Variants in RBFOX3 observed in about 807,000 individuals in gnomAD.
RBFOX3 encodes the protein RNA binding fox-1 homolog 3.
A neutral mutation model predicts 48.7 loss-of-function variants in RBFOX3; 17 were observed. That is an observed-to-expected ratio of 0.35 (90% CI 0.24 to 0.52). RBFOX3 has a LOEUF of 0.52. RBFOX3 is among the 20% of genes least tolerant of loss of function. The pLI, the probability that RBFOX3 is intolerant of heterozygous loss-of-function variation, is 0.94. For missense variants in RBFOX3, 382 were observed against 497.5 expected (o/e 0.77, Z 2.21); for synonymous variants, 212 against 209.5 (o/e 1.01, Z -0.10).
At chr17:79,147,552 G>C (rs2043288509) in intron 4 of RBFOX3, among the ~76,000 whole-genome samples, 1 of 152,184 alleles carries the variant, frequency 6.6e-6, no homozygotes. Context: ...GATCTCATTG[G>C]GGAGGGGGGG....
intron 4 of RBFOX3, among the ~76,000 whole-genome samples, chr17:79,202,827 C>T (rs2056964781): frequency 6.6e-6 from 1 of 152,248 alleles, no homozygotes; most frequent in African/African-American, 2.4e-5. Context: ...CACTATCATG[C>T]CTGGTGGTGA....
intron 4 of RBFOX3, among the ~76,000 whole-genome samples, chr17:79,122,563 T>C (rs920536154): frequency 6.6e-6 from 1 of 152,202 alleles, no homozygotes; most frequent in African/African-American, 2.4e-5. Flanking sequence ...TAACAAATAC[T>C]GGCGAGGATG....
At chr17:79,656,424 GC>G in the RBFOX3 span, among the ~76,000 whole-genome samples, 1 of 152,132 alleles carries the variant, frequency 6.6e-6, no homozygotes, top group Non-Finnish European at 1.5e-5. Context: ...GACTAGCCTG[GC>G]CAACATGGTG....
At chr17:79,430,674 A>G (rs1489920931) in intron 2 of RBFOX3, among the ~76,000 whole-genome samples, 1 of 152,202 alleles carries the variant, frequency 6.6e-6, no homozygotes, top group Non-Finnish European at 1.5e-5. Context: ...CCTCCTGAGT[A>G]GCTGGGATTA....
intron 4 of RBFOX3, among the ~76,000 whole-genome samples, chr17:79,139,186 C>T (rs1294371472): frequency 1.3e-5 from 2 of 152,234 alleles, no homozygotes; most frequent in Non-Finnish European, 2.9e-5. Flanking sequence ...CATGTCCACA[C>T]ACATTCCAGT....
In RBFOX3 at chr17:79,104,373, G is replaced by A. The variant is rs561365427; in HGVS notation, c.361-247C>T. Among the ~76,000 whole-genome samples the A allele has an allele frequency of 1.5e-4, 23 of 152,148 alleles. No homozygotes were observed. The East Asian group carries it at 4.3e-3, about 28-fold the overall frequency. On this transcript the variant is annotated intron_variant, in intron 6 of 14. Coordinates refer to ENST00000693108, the MANE Select transcript of RBFOX3 (RefSeq NM_001350451.2). ...CATCACCAAGAGGGTCCTTGGTGTG[G>A]TGTGGGGACAGGGACAGCTCTCCCA...
chr17:79,336,638 C>T (rs1385704274), intron 2 of RBFOX3, among the ~76,000 whole-genome samples: 3 of 152,134 alleles, frequency 2.0e-5, no homozygotes, highest in Non-Finnish European at 2.9e-5. Flanking sequence ...TCAGTAAAGA[C>T]GGTGCTGTCC....
intron 2 of RBFOX3, among the ~76,000 whole-genome samples, chr17:79,419,758 G>C (rs1378765778): frequency 6.6e-6 from 1 of 152,200 alleles, no homozygotes; most frequent in African/African-American, 2.4e-5. Context: ...ATCAAAGGCA[G>C]GGCTGCTTGT....
Position 79,345,267 on chromosome 17 carries a change from G to A in RBFOX3, c.-174-37443C>T, listed in dbSNP as rs144795000. Among the ~76,000 whole-genome samples, 509 of 152,312 alleles carry A rather than the reference G, an allele frequency of 3.3e-3. 3 individuals carry two copies. Among genetic ancestry groups the A allele is most frequent in the African/African-American group, 0.012 (487 of 41,572 alleles). ...ATTTACGTGCATAGAGTTGCCTGTA[G>A]TATTCCCTTATTATCCTTCTAATGG... On this transcript the variant is annotated intron_variant, in intron 2 of 14. Coordinates refer to ENST00000693108, the MANE Select transcript of RBFOX3 (RefSeq NM_001350451.2).
intron 2 of RBFOX3, among the ~76,000 whole-genome samples, chr17:79,349,056 C>T (rs537488128): frequency 6.6e-6 from 1 of 152,240 alleles, no homozygotes; most frequent in African/African-American, 2.4e-5. Context: ...CCCACAAATT[C>T]AACTCACTGC....
intron 1 of RBFOX3, among the ~76,000 whole-genome samples, chr17:79,594,029 C>T (rs1388247732): frequency 2.0e-5 from 3 of 152,112 alleles, no homozygotes; most frequent in African/African-American, 7.2e-5. Flanking sequence ...ACAGAGGAAG[C>T]ACGCAATTGA....
chr17:79,395,774 C>T (rs1328815365), intron 2 of RBFOX3, among the ~76,000 whole-genome samples: 1 of 152,204 alleles, frequency 6.6e-6, no homozygotes, highest in East Asian at 1.9e-4. Flanking sequence ...CGTGACGTGA[C>T]CAGGAGCCCA....
In RBFOX3 at chr17:79,426,951, G is replaced by A. The variant is rs1055632772; in HGVS notation, c.-175+55503C>T. 5.5e-4 allele frequency among the ~76,000 whole-genome samples: 83 copies of A among 152,184 alleles called. 1 individual carries two copies. The highest frequency in any genetic ancestry group is 1.9e-3 in the African/African-American group (77 of 41,510). On this transcript the variant is annotated intron_variant, in intron 2 of 14. Coordinates refer to ENST00000693108, the MANE Select transcript of RBFOX3 (RefSeq NM_001350451.2). The stretch of plus-strand genomic sequence containing the variant: ...ACTCCTGACCTCAGGTGATCCACCC[G>A]CCTCGGCCTCCCAAATTGCTAGGAT...
intron 1 of RBFOX3, among the ~76,000 whole-genome samples, chr17:79,527,716 A>T (rs2086986340): frequency 6.6e-6 from 1 of 152,138 alleles, no homozygotes; most frequent in Non-Finnish European, 1.5e-5. Flanking sequence ...GTTTGAGGGG[A>T]TGCGGTACAG....
chr17:79,405,825 C>G (rs2063470229), intron 2 of RBFOX3, among the ~76,000 whole-genome samples: 1 of 152,220 alleles, frequency 6.6e-6, no homozygotes, highest in African/African-American at 2.4e-5. Context: ...CTCAGGAAGT[C>G]CCCTCATGCC....
chr17:79,440,094 A>G (rs187297785), intron 2 of RBFOX3, among the ~76,000 whole-genome samples: 2 of 152,270 alleles, frequency 1.3e-5, no homozygotes, highest in Non-Finnish European at 2.9e-5. Context: ...CAACGAGGAC[A>G]TGGGCCACCA....
intron 2 of RBFOX3, among the ~76,000 whole-genome samples, chr17:79,454,430 T>A (rs2074121011): frequency 6.6e-6 from 1 of 151,610 alleles, no homozygotes; most frequent in South Asian, 2.1e-4. Context: ...CCCCGCCACC[T>A]CTCTCATCCA....
chr17:79,138,538 A>G (rs544078300), intron 4 of RBFOX3, among the ~76,000 whole-genome samples: 1 of 152,204 alleles, frequency 6.6e-6, no homozygotes, highest in East Asian at 1.9e-4. Context: ...TACACTGTGC[A>G]TGCTCACTCC....
intron 2 of RBFOX3, among the ~76,000 whole-genome samples, chr17:79,370,615 T>C (rs1250072162): frequency 7.0e-6 from 1 of 143,588 alleles, no homozygotes; most frequent in East Asian, 2.1e-4. Context: ...CACCCTGACA[T>C]GCACAGTCAC....
Sources: gnomAD v4.1 joint callset for allele counts (sites outside exome capture counted in the v4.1 genomes callset) on GRCh38, gnomAD v4.1.1 for gene constraint, MANE v1.5 for transcripts, NCBI Gene and HGNC (gene_info 2026-07-23, HGNC 2026-07-21) for gene names.